The following CETP variants were observed in gnomAD, a reference collection of about 807,000 sequenced individuals.
CETP encodes cholesteryl ester transfer protein.
In CETP, 56 loss-of-function variants were observed where a neutral mutation model predicts 66.5. That is an observed-to-expected ratio of 0.84 (90% confidence interval 0.68 to 1.05). The LOEUF (loss-of-function observed/expected upper bound fraction) is 1.05, where lower values mean the gene tolerates loss of function less well. Among genes scored for constraint, CETP ranks in the 50% least tolerant of loss-of-function variants. The probability of loss-of-function intolerance (pLI) is 0.00; values close to 1 mark genes in which losing one functional copy is unlikely to be tolerated. For missense variants in CETP, 612 were observed against 609.6 expected, an observed-to-expected ratio of 1.00 and a Z score of -0.04; for synonymous variants, 251 against 245.7, an observed-to-expected ratio of 1.02 and a Z score of -0.20.
intron 13 of CETP, 129 bp from the exon 14 acceptor site, chr16:56,982,036 G>T: frequency 1.1e-6 from 1 of 888,206 alleles, no homozygotes. Context: ...GCAGGAAAAC[G>T]GAGTGGGTTG....
rs570087370 is a variant in CETP, at chr16:56,969,734, C to T, written c.439+53C>T. On this transcript the variant is annotated intron_variant, in intron 4 of 15. Coordinates refer to ENST00000200676, the MANE Select transcript of CETP (RefSeq NM_000078.3). ...TGGGAGCTGGACTCCAGGGCTTGGC[C>T]TCAGCAGAGGGGGAGGTTGTGCAGG... 31 of 1,602,642 alleles carry T rather than the reference C, an allele frequency of 1.9e-5. No homozygotes were observed. In the African/African-American group the frequency reaches 2.7e-4, roughly 14 times the overall value.
chr16:56,973,206 C>A, intron 8 of CETP, 125 bp from the exon 9 acceptor site: 2 of 991,232 alleles, frequency 2.0e-6, no homozygotes, highest in Non-Finnish European at 3.1e-6. Flanking sequence ...CTGGGTACAG[C>A]TCTTTCCTCA....
chr16:56,973,454 A>G lies in CETP; in HGVS notation c.874A>G (p.Lys292Glu), dbSNP rs2056128026. ...TGAGCGAGTCTTCCACTCGCTGGCC[A>G]AGGTAGCTTTCCAGGATGGCCGCCT... Reference protein sequence around the residue: ...FSERVFHSLAKVAFQDGRLML... With the variant: ...FSERVFHSLAEVAFQDGRLML... Residue 292 changes from lysine (K) to glutamate (E), a missense_variant, in exon 9 of 16, where the codon AAG becomes GAG. Physicochemically the swap from Lys to Glu is moderately conservative, Grantham distance 56 (BLOSUM62 1). Transcript: ENST00000200676. 6.2e-7 allele frequency: 1 copy of G among 1,614,148 alleles called. No homozygotes were observed. Among genetic ancestry groups the G allele is most frequent in the South Asian group, 1.1e-5 (1 of 91,084 alleles).
At chr16:56,968,726 CTTCTT>C (rs1368550094) in intron 2 of CETP, among the ~76,000 whole-genome samples, 40 of 137,356 alleles carry the variant, frequency 2.9e-4, no homozygotes, top group African/African-American at 1.1e-3. Flanking sequence ...TTTGAGTCTT[CTTCTT>C]TTTTTTTTTT....
intron 9 of CETP, among the ~76,000 whole-genome samples, chr16:56,974,002 T>C (rs2056132381): frequency 6.6e-6 from 1 of 152,176 alleles, no homozygotes; most frequent in African/African-American, 2.4e-5. Flanking sequence ...AATCTATAGA[T>C]AACATAACTG....
chr16:56,963,993 TA>T (rs1170490464), intron 2 of CETP, among the ~76,000 whole-genome samples: 737 of 12,192 alleles, frequency 0.06, 3 homozygotes, highest in Non-Finnish European at 0.089. Flanking sequence ...ATCTTTATTT[TA>T]TTTATTTATT....
At chr16:56,970,194 C>T (rs1189988831) in intron 5 of CETP, among the ~76,000 whole-genome samples, 193 bp downstream of exon 5, 3 of 152,226 alleles carry the variant, frequency 2.0e-5, no homozygotes, top group African/African-American at 7.2e-5. Flanking sequence ...ACAACAATAA[C>T]CAACAGCTAG....
rs753197190 is a variant in CETP, at chr16:56,983,351, C to T, written c.1347C>T (p.Leu449=). 1.2e-6 allele frequency: 2 copies of T among 1,614,240 alleles called. No individual in the cohort carries two copies. Among genetic ancestry groups the T allele is most frequent in the Non-Finnish European group, 1.7e-6 (2 of 1,180,026 alleles). ...MSRLEVVFTA[L]MNSKGVSLFD... is the part of the protein sequence containing the mutation. ...GGCTCGAGGTAGTGTTTACAGCCCT[C>T]ATGAACAGCAAAGGCGTGAGCCTCT... The change falls in exon 15 of 16, where the codon CTC becomes CTT. Residue 449 remains leucine (L), a synonymous_variant. Transcript: ENST00000200676.
intron 5 of CETP, among the ~76,000 whole-genome samples, chr16:56,970,321 CT>C (rs2056100896): frequency 6.6e-6 from 1 of 152,202 alleles, no homozygotes; most frequent in South Asian, 2.1e-4. Context: ...TTATCATCCC[CT>C]TTTTACATAT....
rs1597008368 is a variant in CETP at position 56,982,287 on chromosome 16, C to T, written c.1321+50C>T. 1.2e-5 allele frequency: 19 copies of T among 1,564,708 alleles called. No individual in the cohort carries two copies. In the East Asian group the frequency reaches 4.3e-4, roughly 35 times the overall value. On this transcript the variant is annotated intron_variant, in intron 14 of 15. Transcript: ENST00000200676. The stretch of plus-strand genomic sequence containing the variant: ...TGGGTGCCGAGGCTGACAGAGCTTC[C>T]CATTTCACCTTGTGGGCCCTTCCCA...
rs745384723 is a variant in CETP at position 56,963,078 on chromosome 16, G to A, written c.187G>A (p.Glu63Lys). Reference sequence around the variant, plus strand: ...AGCCAGCTACCCAGATATCACGGGCGAGAAGGCCATGATGCTCCTTGGCCA... The same window carrying A: ...AGCCAGCTACCCAGATATCACGGGCAAGAAGGCCATGATGCTCCTTGGCCA... ...QRASYPDITGEKAMMLLGQVK... is the reference protein window; with the variant it reads ...QRASYPDITGKKAMMLLGQVK... Residue 63 changes from glutamate to lysine, a missense_variant, in exon 2 of 16, where the codon GAG (glutamate) becomes AAG (lysine). Transcript: ENST00000200676. The A allele has an allele frequency of 1.2e-5, 19 of 1,614,188 alleles. No homozygotes were observed. Among genetic ancestry groups the A allele is most frequent in the Middle Eastern group, 3.3e-4 (2 of 6,062 alleles).
chr16:56,981,104 C>T lies in CETP; in HGVS notation c.1147-54C>T. 3.0e-6 allele frequency: 4 copies of T among 1,338,162 alleles called. No individual in the cohort carries two copies. In the South Asian group the frequency reaches 4.7e-5, roughly 16 times the overall value. 82.9% of individuals were successfully genotyped at this position (1,338,162 alleles called of 1,614,324 possible). On this transcript the variant is annotated intron_variant, in intron 11 of 15. Transcript: ENST00000200676. ...CAGGGGCCCTGAGCTAGGAGGGTTG[C>T]TCTCTGCTTCGGGAAGAGCCCTGGC... is the stretch of plus-strand genomic sequence containing the variant.
At chr16:56,964,278 C>T (rs1296010182) in intron 2 of CETP, among the ~76,000 whole-genome samples, 1 of 152,188 alleles carries the variant, frequency 6.6e-6, no homozygotes, top group African/African-American at 2.4e-5. Context: ...CCACCCGCCT[C>T]GGCCTCCCAA....
chr16:56,983,095 G>A (rs2056200175), intron 14 of CETP, among the ~76,000 whole-genome samples: 1 of 152,236 alleles, frequency 6.6e-6, no homozygotes, highest in Non-Finnish European at 1.5e-5. Context: ...CAAGTTTGGG[G>A]CAGAAGGGAA....
At chr16:56,972,827 C>T (rs2056122038) in intron 8 of CETP, among the ~76,000 whole-genome samples, 1 of 152,200 alleles carries the variant, frequency 6.6e-6, no homozygotes, top group South Asian at 2.1e-4. Context: ...GTAACAGAGC[C>T]TCTCCCTGGA....
chr16:56,981,506 A>C (rs1186694035), intron 12 of CETP, 141 bp from the exon 13 acceptor site: 2 of 1,064,944 alleles, frequency 1.9e-6, no homozygotes, highest in Non-Finnish European at 2.9e-6. Context: ...TCAAGGGAAT[A>C]GCAAATCTCA....
chr16:56,975,066 T>G (rs2056139816), intron 9 of CETP, 35 bp from the exon 10 acceptor site: 1 of 1,609,744 alleles, frequency 6.2e-7, no homozygotes, highest in East Asian at 2.2e-5. Flanking sequence ...TGGACTTTAC[T>G]CCACCCACCC....
intron 9 of CETP, among the ~76,000 whole-genome samples, chr16:56,974,186 G>T (rs2056133787): frequency 6.6e-6 from 1 of 152,126 alleles, no homozygotes; most frequent in Non-Finnish European, 1.5e-5. Context: ...ATATGAGAGG[G>T]TCTGTCTCTC....
At position 56,970,990 on chromosome 16, in the gene CETP, A is replaced by G. The variant is rs12708973; in HGVS notation, c.528-43A>G. 1.5e-4 allele frequency: 244 copies of G among 1,598,424 alleles called. No homozygotes were observed. In the African/African-American group the frequency reaches 3.1e-3, roughly 20 times the overall value. ...TACACACTAGGCGCTCCATGGATGCACAGGACTGGTCAGGGGCTCATTGTG... is the reference window on the plus strand; with the variant it reads ...TACACACTAGGCGCTCCATGGATGCGCAGGACTGGTCAGGGGCTCATTGTG... On this transcript the variant is annotated intron_variant, in intron 5 of 15. Coordinates refer to ENST00000200676, the MANE Select transcript of CETP (RefSeq NM_000078.3).
Sources: allele counts gnomAD v4.1 joint callset (sites outside exome capture counted in the v4.1 genomes callset), GRCh38; gene constraint gnomAD v4.1.1; transcripts MANE v1.5; gene names NCBI Gene and HGNC (gene_info 2026-07-23, HGNC 2026-07-21).